Variants in MAGI2 observed in about 807,000 individuals in gnomAD.
MAGI2 encodes the protein membrane associated guanylate kinase, WW and PDZ domain containing 2.
In MAGI2, 35 loss-of-function variants were observed where a neutral mutation model predicts 133.3. The ratio of observed to expected loss-of-function variants is 0.26; its 90% CI spans 0.20 to 0.35. The LOEUF (loss-of-function observed/expected upper bound fraction) is 0.35, where lower values mean the gene tolerates loss of function less well. MAGI2 is among the 10% of genes least tolerant of loss of function. The pLI is 1.00. For missense variants in MAGI2, 1,636 were observed against 1,863.4 expected, an observed-to-expected ratio of 0.88 and a Z score of 2.25; for synonymous variants, 729 against 710.6, an observed-to-expected ratio of 1.03 and a Z score of -0.41.
chr7:79,058,773 A>G (rs1413629734), intron 1 of MAGI2, among the ~76,000 whole-genome samples: 10 of 152,150 alleles, frequency 6.6e-5, no homozygotes, highest in Admixed American at 5.2e-4. Context: ...TTACACCTGA[A>G]TAGAATTGCA....
intron 2 of MAGI2, among the ~76,000 whole-genome samples, chr7:78,700,659 G>A (rs553730308): frequency 1.3e-5 from 2 of 152,096 alleles, no homozygotes; most frequent in African/African-American, 4.8e-5. Flanking sequence ...TTTTCTGTTT[G>A]ATCAAAGATT....
intron 10 of MAGI2, among the ~76,000 whole-genome samples, chr7:78,226,321 A>T (rs34386570): frequency 9.8e-3 from 97 of 9,878 alleles, no homozygotes; most frequent in Middle Eastern, 0.036. Flanking sequence ...ACAAATGTTT[A>T]AAAAAAAAAA....
chr7:78,984,519 C>T (rs1159707593), intron 2 of MAGI2, among the ~76,000 whole-genome samples: 1 of 151,924 alleles, frequency 6.6e-6, no homozygotes, highest in Non-Finnish European at 1.5e-5. Flanking sequence ...TTTACACCCA[C>T]TACGCCAAGT....
chr7:79,028,737 A>C (rs1220771153), intron 1 of MAGI2, among the ~76,000 whole-genome samples: 1 of 152,164 alleles, frequency 6.6e-6, no homozygotes, highest in Admixed American at 6.5e-5. Flanking sequence ...TGAGTGCAAC[A>C]ATATTTGCTC....
chr7:79,255,266 C>T (rs1015693670), intron 1 of MAGI2, among the ~76,000 whole-genome samples: 1 of 152,082 alleles, frequency 6.6e-6, no homozygotes, highest in African/African-American at 2.4e-5. Flanking sequence ...TGGGATTGTT[C>T]TAATGTTAAA....
intron 1 of MAGI2, among the ~76,000 whole-genome samples, chr7:79,396,077 T>A (rs1212003996): frequency 6.6e-6 from 1 of 152,184 alleles, no homozygotes; most frequent in African/African-American, 2.4e-5. Flanking sequence ...TGTTATCCCA[T>A]CATTTAGCCC....
At chr7:78,246,944 T>C (rs1791856377) in intron 10 of MAGI2, among the ~76,000 whole-genome samples, 1 of 152,182 alleles carries the variant, frequency 6.6e-6, no homozygotes, top group African/African-American at 2.4e-5. Context: ...ATCCTGGCTC[T>C]GTGGGCAATC....
chr7:79,080,169 C>T (rs138158886), intron 1 of MAGI2, among the ~76,000 whole-genome samples: 7 of 152,116 alleles, frequency 4.6e-5, no homozygotes, highest in Admixed American at 1.3e-4. Context: ...TAGATGCATA[C>T]GCTGAATTAA....
intron 11 of MAGI2, among the ~76,000 whole-genome samples, chr7:78,200,774 G>A (rs3807645): frequency 0.21 from 32,148 of 151,942 alleles, 3,577 homozygotes; most frequent in Admixed American, 0.29. Context: ...TTGTGGACTA[G>A]ATTTAATTTG....
chr7:79,419,597 C>A (rs191016108), intron 1 of MAGI2, among the ~76,000 whole-genome samples: 1 of 152,126 alleles, frequency 6.6e-6, no homozygotes, highest in East Asian at 1.9e-4. Context: ...GTCCACAAAT[C>A]AGCTTTGTTT....
rs113320024 is a variant in MAGI2, at chr7:79,195,926, A to T, written c.302-188720T>A. 5.7e-3 allele frequency among the ~76,000 whole-genome samples: 873 copies of T among 152,050 alleles called. 24 individuals carry two copies. The highest frequency in any genetic ancestry group is 0.02 in the African/African-American group (839 of 41,398). Reference sequence around the variant, plus strand: ...AATCTTAAAAAGTTGATCTTGTAGAAGTAGAGAGTAGAATGATGGTTACCA... The same window carrying T: ...AATCTTAAAAAGTTGATCTTGTAGATGTAGAGAGTAGAATGATGGTTACCA... On this transcript the variant is annotated intron_variant, in intron 1 of 21. Transcript: ENST00000354212.
chr7:78,298,810 G>GTTTTTT (rs71085520), intron 9 of MAGI2, among the ~76,000 whole-genome samples: 11 of 79,610 alleles, frequency 1.4e-4, no homozygotes, highest in South Asian at 4.8e-4. Context: ...TGGCCTAAAC[G>GTTTTTT]TTTTTTTTTT....
At chr7:78,857,034 C>T (rs1793709569) in intron 2 of MAGI2, among the ~76,000 whole-genome samples, 2 of 152,098 alleles carry the variant, frequency 1.3e-5, no homozygotes, top group African/African-American at 4.8e-5. Flanking sequence ...GGAGTTCACT[C>T]ATGATTTGGC....
chr7:78,521,153 TA>T (rs970147191), intron 4 of MAGI2, among the ~76,000 whole-genome samples: 1 of 151,824 alleles, frequency 6.6e-6, no homozygotes, highest in African/African-American at 2.4e-5. Flanking sequence ...ATAATTGAAA[TA>T]AAAAATTAAA....
intron 2 of MAGI2, among the ~76,000 whole-genome samples, chr7:78,790,201 A>G (rs1276526235): frequency 1.3e-5 from 2 of 152,190 alleles, no homozygotes; most frequent in African/African-American, 4.8e-5. Context: ...TATTATAGTT[A>G]TACATAATTA....
rs59398227 is a variant in MAGI2 at position 79,115,854 on chromosome 7, G to GTTTTTTTTTTT, written c.302-108659_302-108649dup. On this transcript the variant is annotated intron_variant, in intron 1 of 21. Transcript: ENST00000354212. ...TCTGAATTATTCTAAATGTTTTAAAGTTTTTTTTTTTTTTTTTTTTTTTTT... is the reference window on the plus strand; with the variant it reads ...TCTGAATTATTCTAAATGTTTTAAAGTTTTTTTTTTTTTTTTTTTTTTTTTTTTTTTTTTTT... Among the ~76,000 whole-genome samples the GTTTTTTTTTTT allele has an allele frequency of 5.3e-5, 5 of 93,946 alleles. 1 individual carries two copies. The highest frequency in any genetic ancestry group is 2.2e-4 in the African/African-American group (5 of 22,930). 61.6% of individuals were successfully genotyped at this position (93,946 alleles called of 152,430 possible).
intron 2 of MAGI2, among the ~76,000 whole-genome samples, chr7:78,682,411 C>T (rs1474648008): frequency 1.3e-5 from 2 of 152,052 alleles, no homozygotes; most frequent in African/African-American, 2.4e-5. Flanking sequence ...GTGTGATGCT[C>T]CCCTCCCTGT....
At chr7:78,455,404 C>T (rs1789202285) in intron 6 of MAGI2, among the ~76,000 whole-genome samples, 1 of 152,032 alleles carries the variant, frequency 6.6e-6, no homozygotes, top group African/African-American at 2.4e-5. Context: ...GAGTCATCTA[C>T]AATTGTAATA....
rs1199262302 is a variant in MAGI2, at chr7:78,082,426, A to T, written c.3568-3341T>A. ...GGAATGAGGCTCCGGGAAGTCAGGGACATTATTTTTATCGGGTTCCCAGGA... is the reference window on the plus strand; with the variant it reads ...GGAATGAGGCTCCGGGAAGTCAGGGTCATTATTTTTATCGGGTTCCCAGGA... On this transcript the variant is annotated intron_variant, in intron 20 of 21. Coordinates refer to ENST00000354212, the MANE Select transcript of MAGI2 (RefSeq NM_012301.4). Among the ~76,000 whole-genome samples the T allele has an allele frequency of 2.6e-5, 4 of 152,048 alleles. No homozygotes were observed. In the East Asian group the frequency reaches 5.8e-4, roughly 22 times the overall value.
Sources: gnomAD v4.1 joint callset for allele counts (sites outside exome capture counted in the v4.1 genomes callset) on GRCh38, gnomAD v4.1.1 for gene constraint, MANE v1.5 for transcripts, NCBI Gene and HGNC (gene_info 2026-07-23, HGNC 2026-07-21) for gene names.